ADK: variants seen among roughly 807,000 people sequenced by gnomAD.
ADK encodes N6,N6-dimethyladenosine kinase.
A neutral mutation model predicts 44.7 loss-of-function variants in ADK; 24 were observed. The observed-to-expected ratio is 0.54, with a 90% CI of 0.39 to 0.76. ADK has a LOEUF of 0.76. Ranked by LOEUF, ADK falls within the 30% of genes least tolerant of loss-of-function variation. The pLI, the probability that ADK is intolerant of heterozygous loss-of-function variation, is 0.00. For synonymous variants in ADK, 128 were observed against 142.6 expected (o/e 0.90, Z 0.73); for missense variants, 321 against 425.1 (o/e 0.76, Z 2.15).
chr10:74,405,302 G>A (rs1843877919), intron 6 of ADK, among the ~76,000 whole-genome samples: 1 of 151,720 alleles, frequency 6.6e-6, no homozygotes, highest in Non-Finnish European at 1.5e-5. Flanking sequence ...ACAGCAGGAG[G>A]TGAGTAGCAG....
intron 3 of ADK, among the ~76,000 whole-genome samples, chr10:74,310,719 T>C (rs184937026): frequency 4.6e-5 from 7 of 152,322 alleles, no homozygotes; most frequent in African/African-American, 1.7e-4. Flanking sequence ...TCTACACTTA[T>C]TAGCCTGATA....
intron 6 of ADK, among the ~76,000 whole-genome samples, chr10:74,516,142 C>T (rs897810029): frequency 6.6e-6 from 1 of 152,142 alleles, no homozygotes. Flanking sequence ...AAAATGGGCT[C>T]AGGGCTTGTG....
At position 74,613,289 on chromosome 10, in the gene ADK, C is replaced by T. The variant is rs542456295; in HGVS notation, c.877+12796C>T. On this transcript the variant is annotated intron_variant, in intron 9 of 10. Coordinates refer to ENST00000539909, the MANE Select transcript of ADK (RefSeq NM_006721.4). ...TGGTGATATAGCAATGCTGTCTATC[C>T]TCCACCTGTCACTTTGAGAATCACT... 6.6e-5 allele frequency among the ~76,000 whole-genome samples: 10 copies of T among 152,174 alleles called. No individual in the cohort carries two copies. In the East Asian group the frequency reaches 1.2e-3, roughly 18 times the overall value.
intron 6 of ADK, among the ~76,000 whole-genome samples, chr10:74,478,037 G>A (rs1846923456): frequency 1.3e-5 from 2 of 152,132 alleles, no homozygotes; most frequent in Admixed American, 6.6e-5. Flanking sequence ...CTTTCCTTGA[G>A]GAGGTAATAG....
At chr10:74,490,510 T>C (rs1230012753) in intron 6 of ADK, among the ~76,000 whole-genome samples, 2 of 152,136 alleles carry the variant, frequency 1.3e-5, no homozygotes, top group East Asian at 1.9e-4. Flanking sequence ...TTTTAGTATA[T>C]GTTCTCCCAG....
chr10:74,290,078 G>GCGCGCGCACACA (rs113592873), intron 3 of ADK, among the ~76,000 whole-genome samples: 1 of 149,014 alleles, frequency 6.7e-6, no homozygotes, highest in African/African-American at 2.5e-5. Flanking sequence ...CTACTCACGC[G>GCGCGCGCACACA]CACACACACA....
chr10:74,580,881 T>C (rs747195553), intron 7 of ADK, among the ~76,000 whole-genome samples: 2 of 152,060 alleles, frequency 1.3e-5, no homozygotes, highest in Non-Finnish European at 2.9e-5. Flanking sequence ...AAAAAATAAA[T>C]AAGTAAGCCA....
intron 4 of ADK, among the ~76,000 whole-genome samples, chr10:74,361,189 C>T (rs1315121552): frequency 6.6e-6 from 1 of 152,326 alleles, no homozygotes; most frequent in Admixed American, 6.5e-5. Context: ...CAGGCGTGAG[C>T]CACTGCGCCC....
chr10:74,288,574 C>T (rs1591991320), intron 3 of ADK, among the ~76,000 whole-genome samples: 2 of 151,752 alleles, frequency 1.3e-5, no homozygotes, highest in Admixed American at 1.3e-4. Context: ...AGCTTGAACC[C>T]GGGAGGTGGA....
chr10:74,403,959 C>T (rs1843810471), intron 6 of ADK, among the ~76,000 whole-genome samples: 1 of 152,200 alleles, frequency 6.6e-6, no homozygotes, highest in African/African-American at 2.4e-5. Flanking sequence ...GCAACCTCCG[C>T]CTCCTGGGTT....
At chr10:74,597,177 T>G (rs971902278) in intron 8 of ADK, among the ~76,000 whole-genome samples, 1 of 152,230 alleles carries the variant, frequency 6.6e-6, no homozygotes, top group Non-Finnish European at 1.5e-5. Context: ...ATATTTAAGT[T>G]CTTAGCATGT....
At chr10:74,264,259 C>T (rs1333484097) in intron 3 of ADK, among the ~76,000 whole-genome samples, 2 of 152,164 alleles carry the variant, frequency 1.3e-5, no homozygotes. Context: ...GTTGTTCTTT[C>T]CAGTGGTATC....
chr10:74,165,748 A>G (rs960444428), intron 1 of ADK, among the ~76,000 whole-genome samples: 3 of 152,064 alleles, frequency 2.0e-5, no homozygotes, highest in Non-Finnish European at 4.4e-5. Context: ...CTAGATAAGC[A>G]CCCTGTTTAA....
chr10:74,706,240 C>G (rs1204972269), intron 10 of ADK, among the ~76,000 whole-genome samples: 1 of 152,090 alleles, frequency 6.6e-6, no homozygotes, highest in Non-Finnish European at 1.5e-5. Context: ...CATGAGTGTG[C>G]CACTGCACTC....
At chr10:74,232,739 C>T (rs933070348) in intron 3 of ADK, among the ~76,000 whole-genome samples, 1 of 152,158 alleles carries the variant, frequency 6.6e-6, no homozygotes, top group Non-Finnish European at 1.5e-5. Context: ...CATTCTCCTG[C>T]CTCAGCTTCC....
At chr10:74,360,286 T>C (rs925904401) in intron 4 of ADK, among the ~76,000 whole-genome samples, 6 of 152,070 alleles carry the variant, frequency 3.9e-5, no homozygotes, top group Non-Finnish European at 8.8e-5. Flanking sequence ...TCTAGTCTAA[T>C]AATGTATTAT....
intron 6 of ADK, among the ~76,000 whole-genome samples, chr10:74,484,602 A>G (rs1390502591): frequency 6.6e-6 from 1 of 152,180 alleles, no homozygotes; most frequent in African/African-American, 2.4e-5. Context: ...TTTACCATAC[A>G]TTTCTATGGA....
intron 4 of ADK, among the ~76,000 whole-genome samples, chr10:74,338,114 T>TAAC (rs77774358): frequency 0.61 from 91,833 of 150,808 alleles, 29,526 homozygotes; most frequent in Middle Eastern, 0.75. Flanking sequence ...ATTTCTAGGA[T>TAAC]AACAACAACA....
At position 74,708,188 on chromosome 10, in the gene ADK, C is replaced by T. The variant is rs1856674167; in HGVS notation, c.965-133C>T. On this transcript the variant is annotated intron_variant, in intron 10 of 10. Transcript: ENST00000539909. ...AAAAAAAAGACCTCCCTAACGGTAACGCACAAGACTTTCTCTTACTGTCAA... is the reference window on the plus strand; with the variant it reads ...AAAAAAAAGACCTCCCTAACGGTAATGCACAAGACTTTCTCTTACTGTCAA... 1.1e-5 allele frequency: 10 copies of T among 925,802 alleles called. No homozygotes were observed. The Admixed American group carries it at 1.1e-4, about 10-fold the overall frequency. The allele number at this position is 925,802 out of a possible 1,614,324, so 57.3% of individuals were successfully genotyped here.
Sources: gnomAD v4.1 joint callset for allele counts (sites outside exome capture counted in the v4.1 genomes callset) on GRCh38, gnomAD v4.1.1 for gene constraint, MANE v1.5 for transcripts, NCBI Gene and HGNC (gene_info 2026-07-23, HGNC 2026-07-21) for gene names.